NOD1: variants seen among roughly 807,000 people sequenced by gnomAD.
NOD1 encodes nucleotide binding oligomerization domain containing 1.
Under a neutral mutation model 81.2 loss-of-function variants are expected in NOD1, and 70 were observed. That is an observed-to-expected ratio of 0.86 (90% CI 0.71 to 1.05). NOD1 has a LOEUF of 1.05. Ranked by LOEUF, NOD1 falls within the 50% of genes least tolerant of loss-of-function variation. NOD1 has a pLI of 0.00. For missense variants in NOD1, 1,233 were observed against 1,228.0 expected, an observed-to-expected ratio of 1.00 and a Z score of -0.06; for synonymous variants, 508 against 526.9, an observed-to-expected ratio of 0.96 and a Z score of 0.49.
Position 30,448,318 on chromosome 7 carries a change from G to C in NOD1, c.2265C>G (p.Tyr755Ter), listed in dbSNP as rs772818623. 6.2e-7 allele frequency: 1 copy of C among 1,613,990 alleles called. No homozygotes were observed. The highest frequency in any genetic ancestry group is 1.7e-5 in the Admixed American group (1 of 60,026). Reference protein sequence around the residue: ...VKVLSEELTKYKIVTYLGLYN... With the variant: ...VKVLSEELTK ...CATACCCCAAATAGGTCACAATTTT[G>C]TATTTGGTCAGCTCTTCGCTTAGCA... is the stretch of plus-strand genomic sequence containing the variant. Residue 755 changes from tyrosine (Y) to a stop codon, truncating the protein, a stop_gained, in exon 7 of 14, where the codon TAC (tyrosine) becomes TAG (stop). Transcript: ENST00000222823. LOFTEE classifies it high-confidence loss of function.
intron 13 of NOD1, 31 bp from the exon 14 acceptor site, chr7:30,425,741 A>G (rs1783389425): frequency 2.6e-6 from 4 of 1,511,280 alleles, no homozygotes; most frequent in Non-Finnish European, 3.7e-6. Flanking sequence ...AAAAGTACAC[A>G]GGTAAAATGT....
rs115516733 is a variant in NOD1 at position 30,464,590 on chromosome 7, A to G, written c.-351-4549T>C. On this transcript the variant is annotated intron_variant, in intron 1 of 13. Transcript: ENST00000222823. ...TCTGTGGTGTCTGGGATCTCTAGAG[A>G]CAGCAGTGTTCAAATTCTGACTCAT... 1.1e-3 allele frequency among the ~76,000 whole-genome samples: 173 copies of G among 152,342 alleles called. 1 individual carries two copies. Among genetic ancestry groups the G allele is most frequent in the African/African-American group, 4.0e-3 (166 of 41,578 alleles).
At chr7:30,459,715 T>C (rs1489390288) in intron 2 of NOD1, among the ~76,000 whole-genome samples, 186 bp downstream of exon 2, 5 of 152,312 alleles carry the variant, frequency 3.3e-5, no homozygotes, top group African/African-American at 1.2e-4. Context: ...GAATTGAGAC[T>C]TTCTCTTTAA....
At chr7:30,450,618 A>G (rs1027779006) in intron 6 of NOD1, among the ~76,000 whole-genome samples, 2 of 152,214 alleles carry the variant, frequency 1.3e-5, no homozygotes, top group African/African-American at 4.8e-5. Flanking sequence ...TTGATCACAG[A>G]AAGTCACCAG....
chr7:30,437,401 A>G (rs1391325234), intron 10 of NOD1, among the ~76,000 whole-genome samples, 172 bp downstream of exon 10: 1 of 152,176 alleles, frequency 6.6e-6, no homozygotes, highest in Non-Finnish European at 1.5e-5. Context: ...AAAGAGAAGA[A>G]TGTGCTTTAC....
At position 30,456,729 on chromosome 7, in the gene NOD1, G is replaced by A. The variant is rs1170560196; in HGVS notation, c.193C>T (p.Pro65Ser). 3.1e-6 allele frequency: 5 copies of A among 1,613,724 alleles called. No homozygotes were observed. The South Asian group carries it at 3.3e-5, about 11-fold the overall frequency. The change falls in exon 4 of 14, where the codon CCT (proline) becomes TCT (serine). Residue 65 changes from proline to serine, a missense_variant. Coordinates refer to ENST00000222823, the MANE Select transcript of NOD1 (RefSeq NM_006092.4). ...CCCTGTCCCCGGGGCACCTTGTCAG[G>A]CTGGGTGGGGCAGGCACACACAATC... ...AEIVCACPTQ[P>S]DKVRKILDLV...
At chr7:30,477,272 T>C (rs956016900) in intron 1 of NOD1, among the ~76,000 whole-genome samples, 9 of 152,248 alleles carry the variant, frequency 5.9e-5, no homozygotes, top group African/African-American at 2.2e-4. Flanking sequence ...CTTATCTGTC[T>C]GGCATATTCG....
intron 1 of NOD1, among the ~76,000 whole-genome samples, chr7:30,462,469 C>T (rs558647558): frequency 3.0e-4 from 45 of 148,462 alleles, no homozygotes; most frequent in South Asian, 2.1e-3. Flanking sequence ...AAACAAGGGA[C>T]TTCCAGTCCT....
At chr7:30,439,345 CG>C (rs1361586865) in intron 9 of NOD1, among the ~76,000 whole-genome samples, 1 of 141,332 alleles carries the variant, frequency 7.1e-6, no homozygotes, top group Non-Finnish European at 1.5e-5. Flanking sequence ...TCTGAGGTAC[CG>C]GGTTCATCTC....
intron 1 of NOD1, among the ~76,000 whole-genome samples, chr7:30,470,584 A>G (rs1251724561): frequency 6.6e-6 from 1 of 152,254 alleles, no homozygotes; most frequent in East Asian, 1.9e-4. Context: ...CATCACCAAT[A>G]GTTTCTGTTG....
At chr7:30,437,679 G>C in intron 9 of NOD1, 23 bp from the exon 10 acceptor site, 1 of 1,480,844 alleles carries the variant, frequency 6.8e-7, no homozygotes, top group Non-Finnish European at 9.0e-7. Context: ...ACAAGATAGT[G>C]AATGTTAGCT....
chr7:30,432,020 G>A (rs1356757460), intron 12 of NOD1, among the ~76,000 whole-genome samples: 2 of 152,078 alleles, frequency 1.3e-5, no homozygotes, highest in Admixed American at 6.6e-5. Context: ...CAGAAGAATC[G>A]CTTGAACCCA....
chr7:30,446,500 G>T (rs1053887765), intron 8 of NOD1: 2 of 483,826 alleles, frequency 4.1e-6, no homozygotes. Context: ...GACCTCAGCA[G>T]CATCACTGAC....
Position 30,451,293 on chromosome 7 carries a change from T to G in NOD1, c.2124A>C (p.Leu708=). Residue 708 remains leucine, a synonymous_variant, in exon 6 of 14, where the codon CTA becomes CTC. Transcript: ENST00000222823. The surrounding 1 kb of genome is among the most constrained non-coding windows in gnomAD (Gnocchi z 4.2). ...VLHHFPKRLA[L]DLDNNNLNDY... ...CGTTGAGATTGTTGTTGTCTAGGTC[T>G]AGGGCCAGCCGCTTGGGGAAGTGAT... is the stretch of plus-strand genomic sequence containing the variant. The G allele has an allele frequency of 6.2e-7, 1 of 1,614,200 alleles. No individual in the cohort carries two copies.
chr7:30,457,627 A>G (rs1387525642), intron 3 of NOD1, among the ~76,000 whole-genome samples: 3 of 152,096 alleles, frequency 2.0e-5, no homozygotes, highest in Admixed American at 2.0e-4. Flanking sequence ...CTATACTGGG[A>G]TAGAGATGGA....
chr7:30,445,756 C>CAAAA (rs35669955), intron 9 of NOD1, among the ~76,000 whole-genome samples: 21 of 36,068 alleles, frequency 5.8e-4, no homozygotes, highest in African/African-American at 1.6e-3. Flanking sequence ...GAGACTCTGT[C>CAAAA]AAAAAAAAAA....
At position 30,451,226 on chromosome 7, in the gene NOD1, T is replaced by A; in HGVS notation, c.2191A>T (p.Thr731Ser). ...RELQPCFSRL[T>S]VLRLSVNQIT... The stretch of plus-strand genomic sequence containing the variant: ...GCCTGGCAGCCTCACCTGAGAACAG[T>A]GAGGCGGCTGAAGCAGGGCTGCAGC... The change falls in exon 6 of 14, where the codon ACT becomes TCT. Residue 731 changes from threonine to serine, a missense_variant. Coordinates refer to ENST00000222823, the MANE Select transcript of NOD1 (RefSeq NM_006092.4). This position sits in a 1 kb window ranked among gnomAD's most constrained non-coding sequence, Gnocchi z 4.2. The A allele has an allele frequency of 6.2e-7, 1 of 1,612,848 alleles. No homozygotes were observed. Among genetic ancestry groups the A allele is most frequent in the Non-Finnish European group, 8.5e-7 (1 of 1,179,348 alleles).
At chr7:30,431,786 T>C (rs180757043) in intron 12 of NOD1, among the ~76,000 whole-genome samples, 4 of 152,208 alleles carry the variant, frequency 2.6e-5, no homozygotes, top group East Asian at 1.9e-4. Context: ...AAGAAAAAAA[T>C]AGATAAATTG....
chr7:30,468,683 A>G (rs1485354153), intron 1 of NOD1: 1 of 296,372 alleles, frequency 3.4e-6, no homozygotes, highest in Non-Finnish European at 5.0e-6. Context: ...TATAACCCAG[A>G]TTGCAAATGT....
Sources: allele counts gnomAD v4.1 joint callset (sites outside exome capture counted in the v4.1 genomes callset), GRCh38; gene constraint gnomAD v4.1.1; non-coding constraint Gnocchi (gnomAD v3.1); transcripts MANE v1.5; gene names NCBI Gene and HGNC (gene_info 2026-07-23, HGNC 2026-07-21).